ABCA13: variants seen among roughly 807,000 people sequenced by gnomAD.
The protein encoded by ABCA13 is ATP binding cassette subfamily A member 13.
Under a neutral mutation model 478.7 loss-of-function variants are expected in ABCA13, and 476 were observed. The observed-to-expected ratio is 0.99, with a 90% confidence interval of 0.92 to 1.07. The LOEUF is 1.07. ABCA13 is among the 50% of genes least tolerant of loss of function. The probability of loss-of-function intolerance (pLI) is 0.00; values close to 1 mark genes in which losing one functional copy is unlikely to be tolerated. For missense variants in ABCA13, 6,060 were observed against 5,910.6 expected (o/e 1.03, Z -0.83); for synonymous variants, 2,252 against 2,158.9 (o/e 1.04, Z -1.20).
At chr7:48,501,398 C>G (rs1177790841) in intron 48 of ABCA13, among the ~76,000 whole-genome samples, 2 of 152,116 alleles carry the variant, frequency 1.3e-5, no homozygotes, top group East Asian at 3.8e-4. Flanking sequence ...ATTCCAAGGC[C>G]ATGAGGATTC....
intron 15 of ABCA13, among the ~76,000 whole-genome samples, chr7:48,254,538 C>A (rs1260350061): frequency 6.6e-6 from 1 of 152,068 alleles, no homozygotes; most frequent in Non-Finnish European, 1.5e-5. Context: ...CCAAAGCACT[C>A]TACATAAATC....
intron 32 of ABCA13, 72 bp from the exon 33 acceptor site, chr7:48,372,096 T>TC (rs1321418153): frequency 7.1e-7 from 1 of 1,412,486 alleles, no homozygotes; most frequent in Non-Finnish European, 9.6e-7. Context: ...ACCTTCTTTC[T>TC]CCTACCATCT....
chr7:48,231,806 C>T (rs1328650870), intron 7 of ABCA13, among the ~76,000 whole-genome samples: 6 of 152,108 alleles, frequency 3.9e-5, no homozygotes, highest in Admixed American at 6.5e-5. Context: ...GGACTACAGG[C>T]GTGCATCACC....
intron 39 of ABCA13, among the ~76,000 whole-genome samples, chr7:48,409,615 G>A (rs1372239591): frequency 2.0e-5 from 3 of 152,150 alleles, no homozygotes; most frequent in African/African-American, 7.2e-5. Context: ...ATGAATACAT[G>A]TGGTTACATC....
At chr7:48,599,770 C>T (rs566884575) in intron 58 of ABCA13, among the ~76,000 whole-genome samples, 1 of 152,288 alleles carries the variant, frequency 6.6e-6, no homozygotes, top group South Asian at 2.1e-4. Context: ...ATTTGTTCCT[C>T]TCCCCCATCC....
At chr7:48,258,974 G>A (rs1793794042) in intron 15 of ABCA13, among the ~76,000 whole-genome samples, 1 of 150,214 alleles carries the variant, frequency 6.7e-6, no homozygotes, top group Admixed American at 6.7e-5. Context: ...CTGATAGTGT[G>A]TTTGGTGTGA....
intron 15 of ABCA13, among the ~76,000 whole-genome samples, chr7:48,267,957 G>A (rs929647312): frequency 5.3e-5 from 8 of 152,052 alleles, no homozygotes; most frequent in African/African-American, 1.4e-4. Flanking sequence ...TTAGGATCTC[G>A]TTTTTAAGAT....
At chr7:48,447,838 CTT>C (rs1004421753) in intron 42 of ABCA13, among the ~76,000 whole-genome samples, 1 of 152,180 alleles carries the variant, frequency 6.6e-6, no homozygotes, top group Non-Finnish European at 1.5e-5. Flanking sequence ...AAGCTCCACT[CTT>C]TCTGGTTTCA....
In ABCA13 at chr7:48,244,708, G is replaced by A; in HGVS notation, c.1390+5G>A. ...AGAATTTACATTTTGTCCAAGGTAAGCTAGCTTTGGTGTTATTTGTCCCTG... is the reference window on the plus strand; with the variant it reads ...AGAATTTACATTTTGTCCAAGGTAAACTAGCTTTGGTGTTATTTGTCCCTG... On this transcript the variant is annotated splice_donor_5th_base_variant and intron_variant, in intron 11 of 61. Transcript: ENST00000435803. 6.3e-7 allele frequency: 1 copy of A among 1,586,252 alleles called. No homozygotes were observed. The highest frequency in any genetic ancestry group is 8.6e-7 in the Non-Finnish European group (1 of 1,164,096).
chr7:48,613,799 A>G (rs1224100069), intron 58 of ABCA13, among the ~76,000 whole-genome samples: 1 of 148,976 alleles, frequency 6.7e-6, no homozygotes, highest in Non-Finnish European at 1.5e-5. Context: ...TTCTCATGGG[A>G]GTGATAAATG....
At chr7:48,312,404 G>A (rs977899270) in intron 24 of ABCA13, among the ~76,000 whole-genome samples, 3 of 151,680 alleles carry the variant, frequency 2.0e-5, no homozygotes, top group African/African-American at 7.3e-5. Flanking sequence ...GAAAGATCAA[G>A]ACAGAAGAAA....
At chr7:48,318,162 T>C (rs1214864890) in intron 27 of ABCA13, among the ~76,000 whole-genome samples, 1 of 152,136 alleles carries the variant, frequency 6.6e-6, no homozygotes, top group African/African-American at 2.4e-5. Context: ...AGTTAAGTCA[T>C]TTTTGATCAA....
chr7:48,217,164 C>G (rs961324395), intron 3 of ABCA13, among the ~76,000 whole-genome samples: 2 of 152,190 alleles, frequency 1.3e-5, no homozygotes, highest in African/African-American at 4.8e-5. Context: ...GCACAATTCA[C>G]AAGTGCAAAG....
chr7:48,481,709 T>C (rs1226100430), intron 46 of ABCA13, among the ~76,000 whole-genome samples: 1 of 146,522 alleles, frequency 6.8e-6, no homozygotes, highest in Non-Finnish European at 1.5e-5. Flanking sequence ...GATTTCACCA[T>C]ATTGGTCAGG....
intron 41 of ABCA13, among the ~76,000 whole-genome samples, chr7:48,414,353 C>T (rs1018986312): frequency 2.6e-5 from 4 of 152,064 alleles, no homozygotes; most frequent in African/African-American, 4.8e-5. Flanking sequence ...CTCCCATGGA[C>T]GCTGAGATCT....
rs979355954 is a variant in ABCA13, at chr7:48,475,755, C to A, written c.12975+4156C>A. 2.0e-5 allele frequency among the ~76,000 whole-genome samples: 3 copies of A among 152,108 alleles called. No homozygotes were observed. In the South Asian group the frequency reaches 6.2e-4, roughly 32 times the overall value. ...CTGGGGTTGCAGGTGTGAGCCACCA[C>A]GCCCAACCTGTTTCCTCATGTTTTA... On this transcript the variant is annotated intron_variant, in intron 45 of 61. Transcript: ENST00000435803.
intron 48 of ABCA13, among the ~76,000 whole-genome samples, chr7:48,500,039 G>A (rs115798050): frequency 0.017 from 2,563 of 152,252 alleles, 77 homozygotes; most frequent in African/African-American, 0.058. Flanking sequence ...CAGGGTTGTA[G>A]TTCTCACTCT....
intron 54 of ABCA13, among the ~76,000 whole-genome samples, chr7:48,525,808 T>C (rs1487781607): frequency 1.3e-5 from 2 of 151,946 alleles, no homozygotes; most frequent in Non-Finnish European, 2.9e-5. Context: ...AAATGTGTGC[T>C]GTGGTGGTTT....
At chr7:48,487,314 A>AAAAAC (rs1029727263) in intron 47 of ABCA13, among the ~76,000 whole-genome samples, 8 of 128,202 alleles carry the variant, frequency 6.2e-5, no homozygotes, top group South Asian at 2.5e-4. Context: ...GTCTCAAAAA[A>AAAAAC]AAAACAAAAC....
Sources: allele counts gnomAD v4.1 joint callset (sites outside exome capture counted in the v4.1 genomes callset), GRCh38; gene constraint gnomAD v4.1.1; transcripts MANE v1.5; gene names NCBI Gene and HGNC (gene_info 2026-07-23, HGNC 2026-07-21).